The following CALCRL variants were observed in gnomAD, a reference collection of about 807,000 sequenced individuals.
The protein encoded by CALCRL is calcitonin receptor like receptor, also known as calcitonin gene-related peptide type 1 receptor.
CALCRL carries 27 observed loss-of-function variants against 60.4 expected under a neutral mutation model. The ratio of observed to expected loss-of-function variants is 0.45; its 90% CI spans 0.33 to 0.62. CALCRL has a LOEUF of 0.62. Among genes scored for constraint, CALCRL ranks in the 20% least tolerant of loss-of-function variants. CALCRL has a pLI of 0.03. For synonymous variants in CALCRL, 190 were observed against 182.6 expected (o/e 1.04, Z -0.33); for missense variants, 424 against 540.7 (o/e 0.78, Z 2.14).
At chr2:187,428,440 T>C (rs1054060043) in intron 1 of CALCRL, 7 of 152,210 alleles carry the variant, frequency 4.6e-5, no homozygotes, top group African/African-American at 1.7e-4. Context: ...AATGAATCTT[T>C]TGAATCTTTA....
intron 1 of CALCRL, among the ~76,000 whole-genome samples, chr2:187,392,490 A>G (rs1241109148): frequency 6.6e-6 from 1 of 152,160 alleles, no homozygotes. Flanking sequence ...TCTTGAATCA[A>G]AACAAGGAAT....
At chr2:187,358,526 C>G (rs968274854) in intron 12 of CALCRL, among the ~76,000 whole-genome samples, 14 of 149,970 alleles carry the variant, frequency 9.3e-5, no homozygotes, top group African/African-American at 2.4e-4. Flanking sequence ...CTCCCACCCC[C>G]CCCTGCTAGA....
chr2:187,439,258 G>A lies in CALCRL; in HGVS notation c.-293+8781C>T, dbSNP rs563177681. On this transcript the variant is annotated intron_variant, in intron 1 of 14. Transcript: ENST00000392370. ...AGCATTTTGGGAGGCCAGACTGGGCGGATCACTTGAGGCCAGGAGTTTGAG... is the reference window on the plus strand; with the variant it reads ...AGCATTTTGGGAGGCCAGACTGGGCAGATCACTTGAGGCCAGGAGTTTGAG... 1.2e-4 allele frequency among the ~76,000 whole-genome samples: 18 copies of A among 152,186 alleles called. No individual in the cohort carries two copies. The East Asian group carries it at 2.5e-3, about 21-fold the overall frequency.
intron 9 of CALCRL, among the ~76,000 whole-genome samples, 197 bp from the exon 10 acceptor site, chr2:187,360,948 A>T (rs980896415): frequency 1.3e-5 from 2 of 152,008 alleles, no homozygotes; most frequent in Admixed American, 1.3e-4. Flanking sequence ...GACTCCAAAG[A>T]TTGATAATGG....
chr2:187,377,879 TG>T (rs1253384740), intron 8 of CALCRL, among the ~76,000 whole-genome samples: 1 of 152,094 alleles, frequency 6.6e-6, no homozygotes, highest in African/African-American at 2.4e-5. Flanking sequence ...TAATTAAAAC[TG>T]TAGAAACAAT....
At chr2:187,368,204 A>G (rs1456761897) in intron 8 of CALCRL, among the ~76,000 whole-genome samples, 2 of 152,062 alleles carry the variant, frequency 1.3e-5, no homozygotes, top group Non-Finnish European at 2.9e-5. Context: ...ATAACATCTA[A>G]CCCATGATAA....
chr2:187,414,632 A>G (rs543917670), intron 1 of CALCRL, among the ~76,000 whole-genome samples: 1 of 152,306 alleles, frequency 6.6e-6, no homozygotes, highest in Admixed American at 6.5e-5. Context: ...CATCCTATTC[A>G]TGATATGCCA....
intron 1 of CALCRL, among the ~76,000 whole-genome samples, chr2:187,443,258 A>G (rs1186142877): frequency 6.6e-6 from 1 of 151,824 alleles, no homozygotes; most frequent in Non-Finnish European, 1.5e-5. Context: ...ATTGTTTGGA[A>G]TAAAATTTTG....
At position 187,360,866 on chromosome 2, in the gene CALCRL, A is replaced by G. The variant is rs1574222374; in HGVS notation, c.628-115T>C. 7 of 866,580 alleles carry G rather than the reference A, an allele frequency of 8.1e-6. No homozygotes were observed. In the East Asian group the frequency reaches 2.0e-4, roughly 24 times the overall value. The allele number at this position is 866,580 out of a possible 1,614,324, so 53.7% of individuals were successfully genotyped here. On this transcript the variant is annotated intron_variant, in intron 9 of 14. Coordinates refer to ENST00000392370, the MANE Select transcript of CALCRL (RefSeq NM_005795.6). Reference sequence around the variant, plus strand: ...TTCTCCCCTACACACAAAATCCTATACATTAATGATTAGGATTTGTGGAAT... The same window carrying G: ...TTCTCCCCTACACACAAAATCCTATGCATTAATGATTAGGATTTGTGGAAT...
intron 1 of CALCRL, among the ~76,000 whole-genome samples, chr2:187,401,355 G>C (rs1688880784): frequency 6.6e-6 from 1 of 151,554 alleles, no homozygotes; most frequent in Non-Finnish European, 1.5e-5. Context: ...AGCATATCAT[G>C]CATGTAAACT....
chr2:187,437,453 T>C (rs1472023012), intron 1 of CALCRL, among the ~76,000 whole-genome samples: 1 of 152,164 alleles, frequency 6.6e-6, no homozygotes, highest in Non-Finnish European at 1.5e-5. Context: ...CTTTTATTTA[T>C]GTAAAGTTTA....
At chr2:187,438,486 C>T (rs114962274) in intron 1 of CALCRL, among the ~76,000 whole-genome samples, 2,922 of 152,000 alleles carry the variant, frequency 0.019, 100 homozygotes, top group African/African-American at 0.067. Context: ...TTGTATTCTG[C>T]TATAGATGTT....
At chr2:187,386,703 A>AAAT (rs1553509614) in intron 3 of CALCRL, among the ~76,000 whole-genome samples, 3 of 152,072 alleles carry the variant, frequency 2.0e-5, no homozygotes, top group East Asian at 3.9e-4. Context: ...TGTAGCCATA[A>AAAT]CTAAATGATA....
At chr2:187,360,561 A>G (rs369710637) in intron 10 of CALCRL, 37 bp downstream of exon 10, 15 of 1,548,594 alleles carry the variant, frequency 9.7e-6, no homozygotes, top group Non-Finnish European at 1.7e-6. Context: ...GGCTTCTTTA[A>G]TCCACTGAAT....
At chr2:187,374,173 C>CAAGA (rs542506562) in intron 8 of CALCRL, among the ~76,000 whole-genome samples, 35 of 151,698 alleles carry the variant, frequency 2.3e-4, no homozygotes, top group South Asian at 4.2e-4. Context: ...ATCTCTAAAA[C>CAAGA]AAGAAAGAAA....
chr2:187,443,726 T>A (rs1269240505), intron 1 of CALCRL, among the ~76,000 whole-genome samples: 1 of 151,760 alleles, frequency 6.6e-6, no homozygotes, highest in Non-Finnish European at 1.5e-5. Context: ...ATCACAGTTT[T>A]GTATTGATGA....
chr2:187,353,701 T>TTATTCCACTCATCCTAATA (rs1462103416), intron 12 of CALCRL, among the ~76,000 whole-genome samples: 1 of 151,980 alleles, frequency 6.6e-6, no homozygotes, highest in Non-Finnish European at 1.5e-5. Flanking sequence ...ATGTCAGCTG[T>TTATTCCACTCATCCTAATA]TATTCCACTC....
chr2:187,374,873 T>C (rs1687679924), intron 8 of CALCRL, among the ~76,000 whole-genome samples: 1 of 152,056 alleles, frequency 6.6e-6, no homozygotes, highest in African/African-American at 2.4e-5. Flanking sequence ...CACACATCCC[T>C]GGGGCTTATT....
At chr2:187,372,205 T>C (rs1359588454) in intron 8 of CALCRL, among the ~76,000 whole-genome samples, 1 of 152,066 alleles carries the variant, frequency 6.6e-6, no homozygotes, top group African/African-American at 2.4e-5. Flanking sequence ...TGTCATATGC[T>C]CTCTTTTCTG....
Sources: gnomAD v4.1 joint callset for allele counts (sites outside exome capture counted in the v4.1 genomes callset) on GRCh38, gnomAD v4.1.1 for gene constraint, MANE v1.5 for transcripts, NCBI Gene and HGNC (gene_info 2026-07-23, HGNC 2026-07-21) for gene names.